SATB1: variants seen among roughly 807,000 people sequenced by gnomAD.
SATB1 encodes SATB homeobox 1.
A neutral mutation model predicts 86.9 loss-of-function variants in SATB1; 11 were observed. The ratio of observed to expected loss-of-function variants is 0.13; its 90% CI spans 0.08 to 0.21. The LOEUF (loss-of-function observed/expected upper bound fraction) is 0.21, where lower values mean the gene tolerates loss of function less well. SATB1 is among the 10% of genes least tolerant of loss of function. SATB1 has a pLI of 1.00. For missense variants in SATB1, 551 were observed against 937.6 expected, an observed-to-expected ratio of 0.59 and a Z score of 5.39; for synonymous variants, 357 against 357.2, an observed-to-expected ratio of 1.00 and a Z score of 0.01.
intron 7 of SATB1, among the ~76,000 whole-genome samples, chr3:18,392,741 T>C (rs1327882375): frequency 6.6e-6 from 1 of 152,030 alleles, no homozygotes; most frequent in Non-Finnish European, 1.5e-5. Flanking sequence ...ACTTACTATA[T>C]TTACTAAAAT....
chr3:18,367,187 T>C (rs1225354603), intron 9 of SATB1, among the ~76,000 whole-genome samples: 1 of 152,210 alleles, frequency 6.6e-6, no homozygotes, highest in East Asian at 1.9e-4. Context: ...ATGCAATTCA[T>C]GTACAAGTTG....
intron 8 of SATB1, among the ~76,000 whole-genome samples, chr3:18,383,992 AGTTTG>A (rs1217335364): frequency 1.3e-5 from 2 of 152,162 alleles, no homozygotes; most frequent in Non-Finnish European, 2.9e-5. Flanking sequence ...GTCATTTTGG[AGTTTG>A]GTTAGATGGC....
chr3:18,441,955 T>C (rs908109162), upstream of SATB1, among the ~76,000 whole-genome samples: 3 of 152,170 alleles, frequency 2.0e-5, no homozygotes, highest in Non-Finnish European at 4.4e-5. Context: ...CTTAAGATGC[T>C]GGGAGACAAA....
chr3:18,417,833 A>G (rs1272093125), intron 2 of SATB1: 1 of 564,092 alleles, frequency 1.8e-6, no homozygotes, highest in Non-Finnish European at 3.1e-6. Flanking sequence ...AAAATGAGAG[A>G]TAGAAAAGGA....
At position 18,349,792 on chromosome 3, in the gene SATB1, T is replaced by C. The variant is rs1482295852; in HGVS notation, c.1780-110A>G. Reference sequence around the variant, plus strand: ...CGGATCCTACATATAGCTTCTTTGATAGGGATGAAGATTTAGAAAGAAAAG... The same window carrying C: ...CGGATCCTACATATAGCTTCTTTGACAGGGATGAAGATTTAGAAAGAAAAG... On this transcript the variant is annotated intron_variant, in intron 10 of 10. Coordinates refer to ENST00000338745, the MANE Select transcript of SATB1 (RefSeq NM_002971.6). The surrounding 1 kb of genome is among the most constrained non-coding windows in gnomAD (Gnocchi z 5.5). 3.5e-6 allele frequency: 5 copies of C among 1,446,744 alleles called. No individual in the cohort carries two copies. The highest frequency in any genetic ancestry group is 1.4e-5 in the African/African-American group (1 of 69,854). 89.6% of individuals were successfully genotyped at this position (1,446,744 alleles called of 1,614,324 possible). A position where few individuals can be genotyped will look rare whatever the true frequency, so the allele number is the denominator to read the frequency against.
intron 9 of SATB1, among the ~76,000 whole-genome samples, chr3:18,375,694 T>G (rs1398584809): frequency 6.6e-6 from 1 of 152,200 alleles, no homozygotes; most frequent in South Asian, 2.1e-4. Context: ...TTTTCCTTAT[T>G]AAGTCGGGTT....
At chr3:18,382,398 A>C (rs1326662020) in intron 8 of SATB1, among the ~76,000 whole-genome samples, 1 of 152,204 alleles carries the variant, frequency 6.6e-6, no homozygotes, top group African/African-American at 2.4e-5. Flanking sequence ...AATTAATTTA[A>C]CTCCAAAAGT....
chr3:18,362,875 A>AAAAC (rs1159893448), intron 9 of SATB1, among the ~76,000 whole-genome samples: 3 of 145,692 alleles, frequency 2.1e-5, no homozygotes, highest in Non-Finnish European at 4.5e-5. Flanking sequence ...AAAAAAAAAA[A>AAAAC]AAAAAACCAA....
At chr3:18,403,407 CTG>C (rs1227017309) in intron 5 of SATB1, among the ~76,000 whole-genome samples, 1 of 151,954 alleles carries the variant, frequency 6.6e-6, no homozygotes, top group Non-Finnish European at 1.5e-5. Context: ...ACTAAGGAAT[CTG>C]AATATCTTTT....
At chr3:18,355,117 G>A (rs1224895683) in intron 9 of SATB1, among the ~76,000 whole-genome samples, 1 of 152,040 alleles carries the variant, frequency 6.6e-6, no homozygotes, top group African/African-American at 2.4e-5. Flanking sequence ...ATTTAACGGT[G>A]CAGCTGGGAA....
chr3:18,389,480 G>A (rs1044100794), intron 7 of SATB1, among the ~76,000 whole-genome samples: 4 of 151,932 alleles, frequency 2.6e-5, no homozygotes, highest in Admixed American at 2.6e-4. Context: ...TTGAATAGCT[G>A]CACTCATATT....
At chr3:18,370,513 G>A (rs1695418112) in intron 9 of SATB1, among the ~76,000 whole-genome samples, 1 of 37,086 alleles carries the variant, frequency 2.7e-5, no homozygotes, top group Non-Finnish European at 5.2e-5. Flanking sequence ...AACTGAGAGA[G>A]GCAAAAAAAA....
At chr3:18,397,344 C>T in intron 5 of SATB1, 54 bp from the exon 6 acceptor site, 1 of 989,468 alleles carries the variant, frequency 1.0e-6, no homozygotes. Context: ...CAAGATGGAA[C>T]ACAGAAATGA....
At position 18,384,920 on chromosome 3, in the gene SATB1, T is replaced by C. The variant is rs565291232; in HGVS notation, c.1419+1479A>G. ...AGCATGACTTTTTTATTCACAATTA[T>C]AGCAATGATTTCCTTATAGTCTGTT... On this transcript the variant is annotated intron_variant, in intron 8 of 10. Transcript: ENST00000338745. Among the ~76,000 whole-genome samples, 5 of 152,330 alleles carry C rather than the reference T, an allele frequency of 3.3e-5. No individual in the cohort carries two copies. The South Asian group carries it at 1.0e-3, about 32-fold the overall frequency.
rs770881257 is a variant in SATB1, at chr3:18,420,913, T to C, written c.55A>G (p.Asn19Asp). ...GGTGGACCCTTCGGATCACTCACAT[T>C]GTTAGACATTTCTGAATGTTCTTTC... is the stretch of plus-strand genomic sequence containing the variant. ...QGKEHSEMSN[N>D]VSDPKGPPAK... The change falls in exon 2 of 11, where the codon AAT becomes GAT. Residue 19 changes from asparagine (N) to aspartate (D), a missense_variant. By Grantham distance (23) the Asn-to-Asp change is conservative (BLOSUM62 1). Coordinates refer to ENST00000338745, the MANE Select transcript of SATB1 (RefSeq NM_002971.6). The C allele has an allele frequency of 1.2e-6, 2 of 1,614,240 alleles. No homozygotes were observed. The highest frequency in any genetic ancestry group is 1.1e-5 in the South Asian group (1 of 91,090).
intron 9 of SATB1, among the ~76,000 whole-genome samples, chr3:18,375,785 C>T (rs761434678): frequency 2.6e-5 from 4 of 152,104 alleles, no homozygotes; most frequent in Non-Finnish European, 4.4e-5. Flanking sequence ...TTTTCATAAA[C>T]AGGGTAGTGC....
intron 9 of SATB1, among the ~76,000 whole-genome samples, chr3:18,370,540 G>GAAAAAAAAAAAAAAAAAAAAAAAAAAAA (rs1559407474): frequency 1.1e-5 from 1 of 88,194 alleles, no homozygotes; most frequent in East Asian, 3.0e-4. Context: ...AAAAAAAGAG[G>GAAAAAAAAAAAAAAAAAAAAAAAAAAAA]AAAAACAAAA....
At chr3:18,419,289 G>GA (rs5846985) in intron 2 of SATB1, among the ~76,000 whole-genome samples, 48,714 of 152,042 alleles carry the variant, frequency 0.32, 8,749 homozygotes, top group Non-Finnish European at 0.39. Flanking sequence ...AGTGTTTGGC[G>GA]AGAGTTCCAA....
At chr3:18,439,128 C>G (rs1465935738), upstream of SATB1, among the ~76,000 whole-genome samples, 1 of 152,152 alleles carries the variant, frequency 6.6e-6, no homozygotes, top group African/African-American at 2.4e-5. Flanking sequence ...AATAACTGGA[C>G]TGAATAAATT....
Sources: allele counts gnomAD v4.1 joint callset (sites outside exome capture counted in the v4.1 genomes callset), GRCh38; gene constraint gnomAD v4.1.1; non-coding constraint Gnocchi (gnomAD v3.1); transcripts MANE v1.5; gene names NCBI Gene and HGNC (gene_info 2026-07-23, HGNC 2026-07-21).